Variants in PTPRD observed in about 807,000 individuals in gnomAD.
The protein encoded by PTPRD is receptor-type tyrosine-protein phosphatase delta.
In PTPRD, 34 loss-of-function variants were observed where a neutral mutation model predicts 214.5. The ratio of observed to expected loss-of-function variants is 0.16; its 90% CI spans 0.12 to 0.21. The LOEUF is 0.21. Among genes scored for constraint, PTPRD ranks in the 10% least tolerant of loss-of-function variants. The pLI is 1.00. For missense variants in PTPRD, 2,545 were observed against 2,398.7 expected, an observed-to-expected ratio of 1.06 and a Z score of -1.27; for synonymous variants, 1,128 against 845.7, an observed-to-expected ratio of 1.33 and a Z score of -5.79.
At chr9:8,599,184 T>G (rs893324683) in intron 14 of PTPRD, among the ~76,000 whole-genome samples, 2 of 152,166 alleles carry the variant, frequency 1.3e-5, no homozygotes, top group African/African-American at 4.8e-5. Context: ...AACATGACTT[T>G]ACTTCTCATT....
intron 3 of PTPRD, among the ~76,000 whole-genome samples, chr9:10,187,874 A>G (rs2099345221): frequency 3.3e-5 from 5 of 152,202 alleles, no homozygotes. Context: ...TCTGGCTAGA[A>G]TTATCTTTCC....
At chr9:9,230,494 A>G (rs1041575524) in intron 9 of PTPRD, among the ~76,000 whole-genome samples, 3 of 152,110 alleles carry the variant, frequency 2.0e-5, no homozygotes, top group African/African-American at 4.8e-5. Flanking sequence ...AGAAATCCCC[A>G]ATTTATAGCT....
At chr9:9,942,667 G>A (rs1218138558) in intron 4 of PTPRD, among the ~76,000 whole-genome samples, 1 of 152,014 alleles carries the variant, frequency 6.6e-6, no homozygotes, top group Non-Finnish European at 1.5e-5. Context: ...TCTTACAGGT[G>A]AAAAGTTTTA....
At position 8,375,926 on chromosome 9, in the gene PTPRD, C is replaced by G. The variant is rs377321712; in HGVS notation, c.4661+10G>C. ...TGTTTCCTGACTGCAAGTGAACAAA[C>G]GCTTCTTACCTGCAGTGCACAACCA... On this transcript the variant is annotated intron_variant, in intron 39 of 45. Transcript: ENST00000381196. 6.2e-7 allele frequency: 1 copy of G among 1,604,682 alleles called. No individual in the cohort carries two copies. The highest frequency in any genetic ancestry group is 8.5e-7 in the Non-Finnish European group (1 of 1,175,918).
chr9:10,492,394 T>G (rs1379631333), intron 2 of PTPRD, among the ~76,000 whole-genome samples: 3 of 152,098 alleles, frequency 2.0e-5, no homozygotes, highest in Admixed American at 6.6e-5. Flanking sequence ...GACTTTTTAA[T>G]GATTGCCATT....
At chr9:8,904,827 G>T (rs756079283) in intron 11 of PTPRD, among the ~76,000 whole-genome samples, 2 of 152,082 alleles carry the variant, frequency 1.3e-5, no homozygotes, top group Non-Finnish European at 2.9e-5. Flanking sequence ...CATAATGCAT[G>T]TTTTCATATA....
At chr9:9,523,784 A>G (rs986095568) in intron 8 of PTPRD, among the ~76,000 whole-genome samples, 1 of 151,968 alleles carries the variant, frequency 6.6e-6, no homozygotes, top group African/African-American at 2.4e-5. Flanking sequence ...TTTTCTCTCT[A>G]TTTTACTTCT....
At chr9:9,744,528 T>C (rs2098439007) in intron 6 of PTPRD, among the ~76,000 whole-genome samples, 1 of 152,104 alleles carries the variant, frequency 6.6e-6, no homozygotes, top group Non-Finnish European at 1.5e-5. Context: ...ATAAGGTTTC[T>C]ATTTCAATAC....
chr9:9,846,947 A>C (rs1355600882), intron 5 of PTPRD, among the ~76,000 whole-genome samples: 1 of 152,176 alleles, frequency 6.6e-6, no homozygotes, highest in South Asian at 2.1e-4. Flanking sequence ...TGTGATGTGT[A>C]AAACTAGCAG....
At chr9:9,938,740 T>C (rs1055686996) in intron 4 of PTPRD, 130 bp from the exon 5 acceptor site, 1 of 152,140 alleles carries the variant, frequency 6.6e-6, no homozygotes, top group Non-Finnish European at 1.5e-5. Context: ...GAAAGAAGTA[T>C]AAACTCTTCA....
chr9:8,376,226 C>G, intron 38 of PTPRD, 136 bp from the exon 39 acceptor site: 1 of 1,044,674 alleles, frequency 9.6e-7, no homozygotes. Flanking sequence ...GGAAGACACA[C>G]TCTTTGGAAA....
Position 8,528,591 on chromosome 9 carries a change from C to T in PTPRD, c.541G>A (p.Glu181Lys), listed in dbSNP as rs2139453505. ...AGTAGAAACAGTAACAAGACCCTAC[C>T]TGATCGTAACTGCTTAATACGACCA... ...NNGRIKQLRS[E>K]SIGGTPIRGA... The change falls in exon 15 of 46, where the codon GAA becomes AAA. Residue 181 changes from glutamate to lysine, a missense_variant and splice_region_variant. Transcript: ENST00000381196. The T allele has an allele frequency of 6.2e-7, 1 of 1,613,330 alleles. No individual in the cohort carries two copies. Among genetic ancestry groups the T allele is most frequent in the Non-Finnish European group, 8.5e-7 (1 of 1,179,562 alleles).
rs59412193 is a variant in PTPRD, at chr9:9,775,954, C to CAAAAAAAAAAA, written c.-367-9114_-367-9104dup. 1.0e-4 allele frequency among the ~76,000 whole-genome samples: 3 copies of CAAAAAAAAAAA among 28,918 alleles called. 1 individual carries two copies. Among genetic ancestry groups the CAAAAAAAAAAA allele is most frequent in the Non-Finnish European group, 1.8e-4 (3 of 16,836 alleles). 19.0% of individuals were successfully genotyped at this position (28,918 alleles called of 152,430 possible). A position where few individuals can be genotyped will look rare whatever the true frequency, so the allele number is the denominator to read the frequency against. ...TGGGCAACAGAGCAAGACTCTGTCT[C>CAAAAAAAAAAA]AAAAAAAAAAAAAAAAAAAAAAAAA... On this transcript the variant is annotated intron_variant, in intron 5 of 45. Coordinates refer to ENST00000381196, the MANE Select transcript of PTPRD (RefSeq NM_002839.4).
At chr9:10,487,966 G>GTCTCTATCTCTCTCTCTC (rs2099143574) in intron 2 of PTPRD, among the ~76,000 whole-genome samples, 1 of 110,270 alleles carries the variant, frequency 9.1e-6, no homozygotes, top group Non-Finnish European at 1.8e-5. Flanking sequence ...AATGAACACA[G>GTCTCTATCTCTCTCTCTC]TCTCTCTCTC....
At chr9:8,623,305 A>G (rs1316376919) in intron 14 of PTPRD, among the ~76,000 whole-genome samples, 1 of 151,920 alleles carries the variant, frequency 6.6e-6, no homozygotes, top group Non-Finnish European at 1.5e-5. Flanking sequence ...GGAAAATTTC[A>G]TCTAATTTTC....
intron 8 of PTPRD, among the ~76,000 whole-genome samples, chr9:9,416,249 T>C (rs1227531160): frequency 2.6e-5 from 4 of 152,198 alleles, no homozygotes; most frequent in Admixed American, 2.6e-4. Context: ...AGAGAACTCA[T>C]TCTAAAATGA....
At chr9:9,811,063 C>G (rs965808929) in intron 5 of PTPRD, among the ~76,000 whole-genome samples, 5 of 151,972 alleles carry the variant, frequency 3.3e-5, no homozygotes, top group African/African-American at 1.2e-4. Context: ...CATGGTGAAA[C>G]TCCATCTGTA....
At chr9:10,063,559 G>T (rs1401095619) in intron 3 of PTPRD, among the ~76,000 whole-genome samples, 1 of 151,928 alleles carries the variant, frequency 6.6e-6, no homozygotes, top group Admixed American at 6.6e-5. Flanking sequence ...TCTTTGAACT[G>T]AACAGATAGC....
At position 8,757,653 on chromosome 9, in the gene PTPRD, TACATATATATATACATAC is replaced by T. The variant is rs1260560277; in HGVS notation, c.-103-23725_-103-23708del. Among the ~76,000 whole-genome samples the T allele has an allele frequency of 4.2e-3, 594 of 140,894 alleles. 6 individuals are homozygous for T. The highest frequency in any genetic ancestry group is 0.015 in the African/African-American group (519 of 34,774). 92.4% of individuals were successfully genotyped at this position (140,894 alleles called of 152,430 possible). On this transcript the variant is annotated intron_variant, in intron 11 of 45. Transcript: ENST00000381196. ...ATATATATATATATACATACATATA[TACATATATATATACATAC>T]ATATATATATATACATAAAAACATT...
Sources: gnomAD v4.1 joint callset for allele counts (sites outside exome capture counted in the v4.1 genomes callset) on GRCh38, gnomAD v4.1.1 for gene constraint, MANE v1.5 for transcripts, NCBI Gene and HGNC (gene_info 2026-07-23, HGNC 2026-07-21) for gene names.